Variants in PEAK1 observed in about 807,000 individuals in gnomAD.
The protein encoded by PEAK1 is pseudopodium enriched atypical kinase 1, also known as inactive tyrosine-protein kinase PEAK1.
Under a neutral mutation model 124.7 loss-of-function variants are expected in PEAK1, and 54 were observed. That is an observed-to-expected ratio of 0.43 (90% confidence interval 0.35 to 0.54). The LOEUF (loss-of-function observed/expected upper bound fraction) is 0.54. PEAK1 is among the 20% of genes least tolerant of loss of function. The pLI is 0.01. For missense variants in PEAK1, 2,046 were observed against 2,134.5 expected, an observed-to-expected ratio of 0.96 and a Z score of 0.82; for synonymous variants, 719 against 760.0, an observed-to-expected ratio of 0.95 and a Z score of 0.89.
intron 5 of PEAK1, among the ~76,000 whole-genome samples, chr15:77,277,915 A>T (rs868181071): frequency 1.3e-5 from 2 of 152,154 alleles, no homozygotes; most frequent in South Asian, 2.1e-4. Flanking sequence ...ACTCTATATG[A>T]TACTAGAATG....
chr15:77,418,718 T>A, intron 1 of PEAK1: 2 of 985,438 alleles, frequency 2.0e-6, no homozygotes, highest in Non-Finnish European at 2.4e-6. Context: ...CCAAGATTGC[T>A]CATGGAAAGT....
At chr15:77,355,041 TA>T (rs552594542) in intron 2 of PEAK1, among the ~76,000 whole-genome samples, 3,486 of 116,826 alleles carry the variant, frequency 0.03, 45 homozygotes, top group Middle Eastern at 0.042. Flanking sequence ...TCCATCTCAA[TA>T]AAAAAAAAAA....
chr15:77,226,368 CAT>C (rs903199143), intron 6 of PEAK1, among the ~76,000 whole-genome samples: 1 of 151,570 alleles, frequency 6.6e-6, no homozygotes, highest in East Asian at 1.9e-4. Flanking sequence ...ATTAGGTATT[CAT>C]ATGTTTCACT....
At chr15:77,288,127 T>C (rs973470490) in intron 2 of PEAK1, among the ~76,000 whole-genome samples, 2 of 152,134 alleles carry the variant, frequency 1.3e-5, no homozygotes, top group African/African-American at 4.8e-5. Flanking sequence ...ACCCTCATTA[T>C]GCCAAACTCT....
chr15:77,140,296 A>G (rs2152751856), intron 8 of PEAK1, among the ~76,000 whole-genome samples: 1 of 83,898 alleles, frequency 1.2e-5, no homozygotes. Context: ...ACATAAAAAG[A>G]AAACTAGAGA....
intron 8 of PEAK1, 50 bp downstream of exon 8, chr15:77,158,453 T>C (rs2055346246): frequency 6.6e-7 from 1 of 1,521,656 alleles, no homozygotes; most frequent in Non-Finnish European, 9.1e-7. Context: ...ATTTGGCTAG[T>C]ACAGAAAAAG....
At chr15:77,121,768 C>T (rs1012683803) in intron 9 of PEAK1, among the ~76,000 whole-genome samples, 5 of 152,190 alleles carry the variant, frequency 3.3e-5, no homozygotes, top group African/African-American at 4.8e-5. Context: ...AATCTCATTT[C>T]CATCTCACTC....
At position 77,250,156 on chromosome 15, in the gene PEAK1, CATATATATACATATATATGTATATGT is replaced by C. The variant is rs1360568473; in HGVS notation, c.-115+2185_-115+2210del. Among the ~76,000 whole-genome samples the C allele has an allele frequency of 5.3e-4, 70 of 132,924 alleles. No homozygotes were observed. In the Middle Eastern group the frequency reaches 0.011, roughly 22 times the overall value. 87.2% of individuals were successfully genotyped at this position (132,924 alleles called of 152,430 possible). On this transcript the variant is annotated intron_variant, in intron 6 of 9. Transcript: ENST00000682557. ...AAATCACTGTTAAGATATATATATA[CATATATATACATATATATGTATATGT>C]ATATATATACATATATATACATATA...
intron 1 of PEAK1, chr15:77,371,145 A>G (rs969156896): frequency 2.1e-5 from 20 of 967,334 alleles, no homozygotes; most frequent in Non-Finnish European, 2.5e-5. Context: ...AATCAAACCA[A>G]AAGGGCTGAA....
chr15:77,310,375 T>C (rs748399118), intron 2 of PEAK1, among the ~76,000 whole-genome samples: 4 of 152,190 alleles, frequency 2.6e-5, no homozygotes, highest in Non-Finnish European at 4.4e-5. Context: ...TTAGAACTTT[T>C]CTGAACAAAG....
chr15:77,283,913 G>A lies in PEAK1; in HGVS notation c.-305C>T. On this transcript the variant is annotated 5_prime_UTR_variant, in exon 5 of 10. Transcript: ENST00000682557. Reference sequence around the variant, plus strand: ...TGTTACTGTTATTTATATAGCTGTAGTCATTACTACTTTCATATTAGAAAA... The same window carrying A: ...TGTTACTGTTATTTATATAGCTGTAATCATTACTACTTTCATATTAGAAAA... The A allele has an allele frequency of 1.0e-6, 1 of 981,634 alleles. No homozygotes were observed. The highest frequency in any genetic ancestry group is 1.2e-6 in the Non-Finnish European group (1 of 826,502). 60.8% of individuals were successfully genotyped at this position (981,634 alleles called of 1,614,324 possible).
intron 1 of PEAK1, chr15:77,418,681 C>A (rs1419117452): frequency 1.0e-6 from 1 of 985,252 alleles, no homozygotes; most frequent in South Asian, 4.7e-5. Context: ...TCTGAGATTA[C>A]GAGAGAAGCC....
intron 6 of PEAK1, among the ~76,000 whole-genome samples, chr15:77,244,147 T>C (rs1017896204): frequency 1.3e-5 from 2 of 152,286 alleles, no homozygotes; most frequent in African/African-American, 4.8e-5. Context: ...TGCTGTGTGA[T>C]AGAGACTGTA....
chr15:77,241,148 G>A (rs578176400), intron 6 of PEAK1, among the ~76,000 whole-genome samples: 32 of 152,246 alleles, frequency 2.1e-4, no homozygotes, highest in Middle Eastern at 6.8e-3. Context: ...ACCAAGTGCG[G>A]TTCATCCTGG....
intron 1 of PEAK1, among the ~76,000 whole-genome samples, chr15:77,398,341 T>C (rs2071075577): frequency 1.3e-5 from 2 of 152,178 alleles, no homozygotes; most frequent in South Asian, 4.1e-4. Flanking sequence ...ACATCTCTGA[T>C]GAACATTTAT....
At chr15:77,226,105 CAT>C (rs2059664482) in intron 6 of PEAK1, among the ~76,000 whole-genome samples, 2 of 130,038 alleles carry the variant, frequency 1.5e-5, no homozygotes, top group South Asian at 4.9e-4. Context: ...CACATACACA[CAT>C]ATATATGTGT....
intron 2 of PEAK1, among the ~76,000 whole-genome samples, chr15:77,297,873 A>G (rs984754227): frequency 1.3e-5 from 2 of 149,898 alleles, no homozygotes; most frequent in Non-Finnish European, 3.0e-5. Flanking sequence ...CCTGGCTAAC[A>G]AGGTGAAACC....
At chr15:77,410,471 A>G (rs1164722466) in intron 1 of PEAK1, among the ~76,000 whole-genome samples, 3 of 152,328 alleles carry the variant, frequency 2.0e-5, no homozygotes, top group Middle Eastern at 3.4e-3. Flanking sequence ...GCTTGGCCTA[A>G]AATGAGGATG....
At chr15:77,247,642 AT>A (rs1287307231) in intron 6 of PEAK1, among the ~76,000 whole-genome samples, 3 of 151,368 alleles carry the variant, frequency 2.0e-5, no homozygotes, top group Non-Finnish European at 2.9e-5. Flanking sequence ...CACCTGGCTA[AT>A]TTTTTTATTT....
Sources: gnomAD v4.1 joint callset for allele counts (sites outside exome capture counted in the v4.1 genomes callset) on GRCh38, gnomAD v4.1.1 for gene constraint, MANE v1.5 for transcripts, NCBI Gene and HGNC (gene_info 2026-07-23, HGNC 2026-07-21) for gene names.